The following CRADD variants were observed in gnomAD, a reference collection of about 807,000 sequenced individuals.
CRADD encodes CARD and death domain containing adaptor protein.
Under a neutral mutation model 15.5 loss-of-function variants are expected in CRADD, and 9 were observed. The ratio of observed to expected loss-of-function variants is 0.58; its 90% CI spans 0.35 to 1.01. The LOEUF is 1.01. CRADD is among the 50% of genes least tolerant of loss of function. CRADD has a pLI of 0.02. For synonymous variants in CRADD, 118 were observed against 107.6 expected (o/e 1.10, Z -0.60); for missense variants, 227 against 250.3 (o/e 0.91, Z 0.63).
chr12:93,749,242 G>C (rs143561989), intron 2 of CRADD, among the ~76,000 whole-genome samples: 2 of 152,326 alleles, frequency 1.3e-5, no homozygotes, highest in African/African-American at 4.8e-5. Flanking sequence ...CTCCTAGCTA[G>C]AGAGGCCAGC....
At chr12:93,693,245 A>G (rs1194682797) in intron 2 of CRADD, among the ~76,000 whole-genome samples, 1 of 152,178 alleles carries the variant, frequency 6.6e-6, no homozygotes, top group Non-Finnish European at 1.5e-5. Context: ...CTTATCATTA[A>G]TTACCTTGAA....
At chr12:93,704,156 A>G (rs571765562) in intron 2 of CRADD, among the ~76,000 whole-genome samples, 2 of 151,972 alleles carry the variant, frequency 1.3e-5, no homozygotes, top group South Asian at 4.2e-4. Context: ...TAATAATAGC[A>G]AAACTGGAAA....
chr12:93,686,498 G>T (rs1338618594), intron 2 of CRADD, among the ~76,000 whole-genome samples: 1 of 152,072 alleles, frequency 6.6e-6, no homozygotes, highest in Non-Finnish European at 1.5e-5. Flanking sequence ...CTGTTTTCAT[G>T]ATGCTTCACA....
chr12:93,712,866 GAA>G (rs1442275962), intron 2 of CRADD, among the ~76,000 whole-genome samples: 1 of 152,064 alleles, frequency 6.6e-6, no homozygotes, highest in Non-Finnish European at 1.5e-5. Flanking sequence ...CACCCTTAGA[GAA>G]AAGAGGCCTG....
At chr12:93,845,156 T>C (rs1958098676) in intron 2 of CRADD, among the ~76,000 whole-genome samples, 2 of 152,062 alleles carry the variant, frequency 1.3e-5, no homozygotes, top group Admixed American at 1.3e-4. Flanking sequence ...GGACAGAGTA[T>C]AGAGCCCCCA....
At chr12:93,736,174 A>T (rs1247834360) in intron 2 of CRADD, among the ~76,000 whole-genome samples, 1 of 152,186 alleles carries the variant, frequency 6.6e-6, no homozygotes, top group Non-Finnish European at 1.5e-5. Flanking sequence ...GGGGAGCATG[A>T]CATATAAATC....
rs1036226530 is a variant in CRADD, at chr12:93,766,209, T to C, written c.299-83761T>C. Among the ~76,000 whole-genome samples the C allele has an allele frequency of 2.6e-5, 4 of 152,272 alleles. No individual in the cohort carries two copies. In the East Asian group the frequency reaches 7.7e-4, roughly 29 times the overall value. On this transcript the variant is annotated intron_variant, in intron 2 of 2. Transcript: ENST00000332896. ...CAAGTTACTAAGTCTCTGGTTATTT[T>C]TGAGACTCTTTCTCCCCAAGCGTTC...
At chr12:93,872,866 C>T (rs562474736) in intron 2 of CRADD, among the ~76,000 whole-genome samples, 3 of 151,950 alleles carry the variant, frequency 2.0e-5, no homozygotes. Context: ...GTTCTTTTTG[C>T]TTAGGATATC....
chr12:93,731,567 T>A (rs1406802679), intron 2 of CRADD, among the ~76,000 whole-genome samples: 1 of 152,260 alleles, frequency 6.6e-6, no homozygotes, highest in Non-Finnish European at 1.5e-5. Flanking sequence ...GTGAAAGTTA[T>A]GTATCCTTCT....
At chr12:93,712,332 T>C (rs565655896) in intron 2 of CRADD, among the ~76,000 whole-genome samples, 2 of 152,342 alleles carry the variant, frequency 1.3e-5, no homozygotes, top group East Asian at 3.9e-4. Context: ...GTTTATTGTC[T>C]TTCACTTATT....
chr12:93,677,846 A>G (rs1050612946), intron 1 of CRADD: 2 of 151,284 alleles, frequency 1.3e-5, no homozygotes, highest in African/African-American at 4.9e-5. Flanking sequence ...GGAGTGTGGG[A>G]TCGGGTGTCG....
chr12:93,884,345 G>A (rs952332377), intron 2 of CRADD, among the ~76,000 whole-genome samples: 13 of 152,190 alleles, frequency 8.5e-5, no homozygotes, highest in African/African-American at 3.1e-4. Context: ...CTAGAAGGAT[G>A]CAGAGAGGAA....
chr12:93,744,534 C>T (rs949176201), intron 2 of CRADD, among the ~76,000 whole-genome samples: 17 of 152,190 alleles, frequency 1.1e-4, no homozygotes, highest in Non-Finnish European at 2.1e-4. Context: ...TGCAGTGTCC[C>T]TTCATAGCAG....
At chr12:93,706,146 A>T (rs1955947011) in intron 2 of CRADD, among the ~76,000 whole-genome samples, 1 of 152,224 alleles carries the variant, frequency 6.6e-6, no homozygotes, top group Non-Finnish European at 1.5e-5. Flanking sequence ...TTGCTAATGA[A>T]TGATTTTTGA....
chr12:93,864,985 A>G (rs560457014), intron 2 of CRADD, among the ~76,000 whole-genome samples: 44 of 152,344 alleles, frequency 2.9e-4, no homozygotes, highest in Middle Eastern at 3.4e-3. Flanking sequence ...ATATTTGATG[A>G]TGAATAAACA....
intron 2 of CRADD, among the ~76,000 whole-genome samples, chr12:93,838,194 T>C (rs1957997522): frequency 6.7e-6 from 1 of 149,730 alleles, no homozygotes; most frequent in Non-Finnish European, 1.5e-5. Flanking sequence ...CAAGGGGTTC[T>C]AATTAGTTTT....
chr12:93,786,873 C>G (rs1325462940), intron 2 of CRADD, among the ~76,000 whole-genome samples: 1 of 152,124 alleles, frequency 6.6e-6, no homozygotes, highest in Non-Finnish European at 1.5e-5. Flanking sequence ...ATTTTGAAAA[C>G]ATTTGCTGCA....
chr12:93,888,078 A>G (rs1958550288), intron 2 of CRADD, among the ~76,000 whole-genome samples: 1 of 152,080 alleles, frequency 6.6e-6, no homozygotes, highest in Non-Finnish European at 1.5e-5. Context: ...GGGATGAGAG[A>G]ATGGGGTGTG....
chr12:93,770,158 C>T (rs1194411904), intron 2 of CRADD, among the ~76,000 whole-genome samples: 1 of 144,548 alleles, frequency 6.9e-6, no homozygotes, highest in Admixed American at 7.0e-5. Flanking sequence ...TGCAGTGGCG[C>T]AATCTCGGCT....
Sources: gnomAD v4.1 joint callset for allele counts (sites outside exome capture counted in the v4.1 genomes callset) on GRCh38, gnomAD v4.1.1 for gene constraint, MANE v1.5 for transcripts, NCBI Gene and HGNC (gene_info 2026-07-23, HGNC 2026-07-21) for gene names.